USH2A: variants seen among roughly 807,000 people sequenced by gnomAD.
USH2A encodes Usher syndrome 2A (autosomal recessive, mild).
A neutral mutation model predicts 538.9 loss-of-function variants in USH2A; 443 were observed. The observed-to-expected ratio is 0.82, with a 90% CI of 0.76 to 0.89. The LOEUF (loss-of-function observed/expected upper bound fraction) is 0.89. USH2A is among the 40% of genes least tolerant of loss of function. The probability of loss-of-function intolerance (pLI) is 0.00; values close to 1 mark genes in which losing one functional copy is unlikely to be tolerated. For synonymous variants in USH2A, 2,413 were observed against 2,273.5 expected (o/e 1.06, Z -1.75); for missense variants, 6,633 against 6,324.8 (o/e 1.05, Z -1.65).
At chr1:216,206,970 T>C (rs574534743) in intron 16 of USH2A, among the ~76,000 whole-genome samples, 1 of 152,296 alleles carries the variant, frequency 6.6e-6, no homozygotes, top group South Asian at 2.1e-4. Context: ...ACTAATGAAC[T>C]CACACAGACA....
At chr1:216,291,192 A>G (rs1468943226) in intron 10 of USH2A, among the ~76,000 whole-genome samples, 1 of 152,044 alleles carries the variant, frequency 6.6e-6, no homozygotes, top group East Asian at 1.9e-4. Context: ...AGAGTCCTCT[A>G]TGATATTGTC....
chr1:215,921,745 C>G (rs960418484), intron 38 of USH2A, among the ~76,000 whole-genome samples: 1 of 151,968 alleles, frequency 6.6e-6, no homozygotes, highest in African/African-American at 2.4e-5. Context: ...GTAAGATGAC[C>G]TTTACTAGTT....
intron 32 of USH2A, among the ~76,000 whole-genome samples, chr1:216,014,233 G>A (rs779948366): frequency 1.1e-4 from 17 of 152,186 alleles, no homozygotes; most frequent in Middle Eastern, 3.4e-3. Context: ...CAGGTTGGGC[G>A]TGGGGGGAAG....
At chr1:215,931,499 C>T (rs1485212546) in intron 38 of USH2A, among the ~76,000 whole-genome samples, 4 of 151,932 alleles carry the variant, frequency 2.6e-5, no homozygotes, top group African/African-American at 4.8e-5. Context: ...ACCTCCAATA[C>T]ACTCACCCTC....
intron 32 of USH2A, among the ~76,000 whole-genome samples, chr1:216,043,764 A>T (rs1460350668): frequency 6.6e-6 from 1 of 151,970 alleles, no homozygotes; most frequent in Non-Finnish European, 1.5e-5. Context: ...GTAACCTCAT[A>T]TGGAGTTCTG....
chr1:216,159,215 A>G (rs1201614709), intron 21 of USH2A, among the ~76,000 whole-genome samples: 1 of 152,110 alleles, frequency 6.6e-6, no homozygotes, highest in East Asian at 1.9e-4. Context: ...CTAGTACTAT[A>G]CTTCCAGTAC....
rs1338806758 is a variant in USH2A at position 216,070,099 on chromosome 1, A to T, written c.6049+2T>A. Reference sequence around the variant, plus strand: ...TCTACTCTGTTAAAGGATTGCATTTACCTGTGAGGTTGCTTGTATTGACAA... The same window carrying T: ...TCTACTCTGTTAAAGGATTGCATTTTCCTGTGAGGTTGCTTGTATTGACAA... On this transcript the variant is annotated splice_donor_variant, in intron 30 of 71. Coordinates refer to ENST00000307340, the MANE Select transcript of USH2A (RefSeq NM_206933.4). LOFTEE classifies it high-confidence loss of function. 4 of 1,613,826 alleles carry T rather than the reference A, an allele frequency of 2.5e-6. No individual in the cohort carries two copies. Among genetic ancestry groups the T allele is most frequent in the Non-Finnish European group, 3.4e-6 (4 of 1,179,876 alleles).
intron 64 of USH2A, among the ~76,000 whole-genome samples, chr1:215,667,039 C>G (rs1383351090): frequency 6.6e-6 from 1 of 151,950 alleles, no homozygotes; most frequent in Non-Finnish European, 1.5e-5. Flanking sequence ...TGCAGTGAGC[C>G]AAGATTGCGC....
intron 44 of USH2A, among the ~76,000 whole-genome samples, chr1:215,858,310 C>G (rs1404771463): frequency 6.6e-6 from 1 of 151,836 alleles, no homozygotes; most frequent in Non-Finnish European, 1.5e-5. Flanking sequence ...CATGTCCCCA[C>G]CCAAATCTCA....
intron 38 of USH2A, among the ~76,000 whole-genome samples, chr1:215,903,112 G>A (rs1427350839): frequency 6.6e-6 from 1 of 152,044 alleles, no homozygotes; most frequent in East Asian, 1.9e-4. Flanking sequence ...AGAAGGTGCA[G>A]ACTGGAAGCC....
At chr1:215,845,018 G>A (rs763743765) in intron 45 of USH2A, among the ~76,000 whole-genome samples, 25 of 152,036 alleles carry the variant, frequency 1.6e-4, no homozygotes, top group Non-Finnish European at 3.4e-4. Flanking sequence ...GATTACCATA[G>A]GTAATGATGA....
intron 9 of USH2A, among the ~76,000 whole-genome samples, chr1:216,317,208 T>C (rs977895441): frequency 9.9e-5 from 15 of 152,166 alleles, no homozygotes; most frequent in Non-Finnish European, 1.8e-4. Context: ...GCAATCCCAT[T>C]ACTGTGTATT....
Position 216,087,054 on chromosome 1 carries a change from G to A in USH2A, c.4886-234C>T, listed in dbSNP as rs76671404. On this transcript the variant is annotated intron_variant, in intron 23 of 71. Transcript: ENST00000307340. ...GGCCTCTTCCTTTCTCTACCCATAG[G>A]CACCCCCTAAGTACTCTAGAGGGAT... The A allele has an allele frequency of 7.2e-3, 3,485 of 482,558 alleles. 112 individuals carry two copies. Among genetic ancestry groups the A allele is most frequent in the African/African-American group, 0.063 (3,183 of 50,856 alleles). 29.9% of individuals were successfully genotyped at this position (482,558 alleles called of 1,614,324 possible). A position where few individuals can be genotyped will look rare whatever the true frequency, so the allele number is the denominator to read the frequency against.
intron 3 of USH2A, among the ~76,000 whole-genome samples, chr1:216,386,417 C>T (rs1571767281): frequency 6.7e-6 from 1 of 149,470 alleles, no homozygotes; most frequent in East Asian, 2.0e-4. Flanking sequence ...ACCCGGGAGG[C>T]AGAGCTTGCA....
At position 215,627,457 on chromosome 1, in the gene USH2A, C is replaced by CTTCCTTCT. The variant is rs1656090805; in HGVS notation, c.15519+1356_15519+1357insAGAAGGAA. ...CCTTCCTTCCTTCCTTCCTTCCTTC[C>CTTCCTTCT]TTCCTTCCTTCCTTCCTTCCTTCCT... On this transcript the variant is annotated intron_variant, in intron 71 of 71. Coordinates refer to ENST00000307340, the MANE Select transcript of USH2A (RefSeq NM_206933.4). Among the ~76,000 whole-genome samples, 10 of 117,972 alleles carry CTTCCTTCT rather than the reference C, an allele frequency of 8.5e-5. No homozygotes were observed. In the South Asian group the frequency reaches 1.4e-3, roughly 16 times the overall value. The allele number at this position is 117,972 out of a possible 152,430, so 77.4% of individuals were successfully genotyped here.
chr1:216,059,046 T>A (rs943481053), intron 30 of USH2A, among the ~76,000 whole-genome samples: 18 of 151,934 alleles, frequency 1.2e-4, no homozygotes, highest in African/African-American at 3.4e-4. Flanking sequence ...GAAAAAAAAA[T>A]TTCACGGCGT....
chr1:216,047,692 T>C (rs2030583157), intron 31 of USH2A, among the ~76,000 whole-genome samples: 2 of 152,110 alleles, frequency 1.3e-5, no homozygotes, highest in African/African-American at 4.8e-5. Flanking sequence ...ATATAGATAC[T>C]GGGAAAGAGA....
At chr1:215,837,228 A>C (rs78033395) in intron 47 of USH2A, among the ~76,000 whole-genome samples, 3,102 of 152,142 alleles carry the variant, frequency 0.02, 101 homozygotes, top group African/African-American at 0.071. Flanking sequence ...AAACATTAAT[A>C]ATAGACTTAT....
chr1:215,895,432 A>T (rs1157870695), intron 40 of USH2A, among the ~76,000 whole-genome samples: 1 of 152,210 alleles, frequency 6.6e-6, no homozygotes, highest in Non-Finnish European at 1.5e-5. Context: ...AGGAAGTGAC[A>T]CTTGAGCTGG....
Sources: allele counts gnomAD v4.1 joint callset (sites outside exome capture counted in the v4.1 genomes callset), GRCh38; gene constraint gnomAD v4.1.1; transcripts MANE v1.5; gene names NCBI Gene and HGNC (gene_info 2026-07-23, HGNC 2026-07-21).